The following MUC4 variants were observed in gnomAD, a reference collection of about 807,000 sequenced individuals.
MUC4 encodes mucin-4.
MUC4 carries 202 observed loss-of-function variants against 257.9 expected under a neutral mutation model. The ratio of observed to expected loss-of-function variants is 0.78; its 90% CI spans 0.70 to 0.88. The LOEUF (loss-of-function observed/expected upper bound fraction) is 0.88, where lower values mean the gene tolerates loss of function less well. Ranked by LOEUF, MUC4 falls within the 40% of genes least tolerant of loss-of-function variation. The pLI, the probability that MUC4 is intolerant of heterozygous loss-of-function variation, is 0.00. For synonymous variants in MUC4, 2,351 were observed against 2,757.1 expected (o/e 0.85, Z 4.62); for missense variants, 5,976 against 6,513.7 (o/e 0.92, Z 2.84).
intron 4 of MUC4, among the ~76,000 whole-genome samples, chr3:195,773,119 G>C (rs1326941895): frequency 4.8e-5 from 7 of 145,016 alleles, no homozygotes; most frequent in African/African-American, 1.6e-4. Context: ...TCGCTCAGGG[G>C]TGTAGACACC....
intron 11 of MUC4, among the ~76,000 whole-genome samples, 165 bp downstream of exon 11, chr3:195,763,880 A>G (rs1199706573): frequency 6.6e-6 from 1 of 152,058 alleles, no homozygotes; most frequent in African/African-American, 2.4e-5. Context: ...TCCCCAACTC[A>G]GGTACAAAGC....
chr3:195,785,864 G>C lies in MUC4; in HGVS notation c.5716C>G (p.His1906Asp). The change falls in exon 2 of 25, where the codon CAT becomes GAT. Residue 1906 changes from histidine (H) to aspartate (D), a missense_variant. This residue lies in a region of MUC4 where 87 missense variants were observed against 104.6 expected (regional missense o/e 0.83). Coordinates refer to ENST00000463781, the MANE Select transcript of MUC4 (RefSeq NM_018406.7). Reference protein sequence around the residue: ...SASTGDTTPLHVTDASSVSTG... With the variant: ...SASTGDTTPLDVTDASSVSTG... ...GATACTGAGGAAGCGTCGGTGACAT[G>C]AAGAGGGGTGGTGTCACCTGTGGAT... The C allele has an allele frequency of 6.7e-7, 1 of 1,496,488 alleles. No individual in the cohort carries two copies. The highest frequency in any genetic ancestry group is 1.2e-5 in the South Asian group (1 of 80,296). 92.7% of individuals were successfully genotyped at this position (1,496,488 alleles called of 1,614,324 possible). A position where few individuals can be genotyped will look rare whatever the true frequency, so the allele number is the denominator to read the frequency against.
In MUC4 at chr3:195,764,309, C is replaced by T. The variant is rs2880893; in HGVS notation, c.13925-145G>A. On this transcript the variant is annotated intron_variant, in intron 10 of 24. Transcript: ENST00000463781. ...AGGGCGGTGTTGGTGGAGAGCTTGG[C>T]AGGGCAGGGCGGTGTTGGTGGAGAG... is the stretch of plus-strand genomic sequence containing the variant. 2.5e-4 allele frequency: 111 copies of T among 451,256 alleles called. 15 individuals are homozygous for T. The highest frequency in any genetic ancestry group is 2.8e-4 in the Non-Finnish European group (101 of 360,600). The allele number at this position is 451,256 out of a possible 1,614,324, so 28.0% of individuals were successfully genotyped here.
intron 1 of MUC4, among the ~76,000 whole-genome samples, chr3:195,795,846 AG>A (rs1364344422): frequency 3.9e-4 from 4 of 10,190 alleles, no homozygotes; most frequent in Non-Finnish European, 1.2e-3. Context: ...AAAGTGGGGG[AG>A]GGGGGTGGGA....
In MUC4 at chr3:195,781,439, C is replaced by G. The variant is rs879684952; in HGVS notation, c.10141G>C (p.Asp3381His). 6.6e-7 allele frequency: 1 copy of G among 1,523,966 alleles called. No individual in the cohort carries two copies. Among genetic ancestry groups the G allele is most frequent in the East Asian group, 2.4e-5 (1 of 41,584 alleles). 94.4% of individuals were successfully genotyped at this position (1,523,966 alleles called of 1,614,324 possible). ...TGDTTRLPVT[D>H]ISSASTGQAT... is the part of the protein sequence containing the mutation. Reference sequence around the variant, plus strand: ...TGACCTGTGGATGCCGAGGAAATGTCGGTGACAGGAAGACGGGTGGTGTCA... The same window carrying G: ...TGACCTGTGGATGCCGAGGAAATGTGGGTGACAGGAAGACGGGTGGTGTCA... Residue 3381 changes from aspartate (D) to histidine (H), a missense_variant, in exon 2 of 25, where the codon GAC becomes CAC. Asp to His is a moderately conservative substitution (Grantham distance 81, BLOSUM62 -1). This residue lies in a region of MUC4 where 297 missense variants were observed against 240.9 expected (regional missense o/e 1.23). Transcript: ENST00000463781.
At chr3:195,752,581 C>G in intron 20 of MUC4, 135 bp from the exon 21 acceptor site, 1 of 705,266 alleles carries the variant, frequency 1.4e-6, no homozygotes, top group Non-Finnish European at 2.5e-6. Context: ...GAGAAGTGGC[C>G]CTCACCCTAC....
At position 195,765,254 on chromosome 3, in the gene MUC4, G is replaced by T. The variant is rs765417813; in HGVS notation, c.13798+16C>A. On this transcript the variant is annotated intron_variant, in intron 9 of 24. Coordinates refer to ENST00000463781, the MANE Select transcript of MUC4 (RefSeq NM_018406.7). ...GGTGGTGGGTGGGCTTGTGGGGGGC[G>T]GGAAGGAGGTGTCACCTATGCTGAC... 6.2e-7 allele frequency: 1 copy of T among 1,600,064 alleles called. No homozygotes were observed.
intron 3 of MUC4, among the ~76,000 whole-genome samples, chr3:195,776,439 CCG>C (rs1724747322): frequency 2.6e-5 from 1 of 37,826 alleles, no homozygotes; most frequent in Non-Finnish European, 4.8e-5. Flanking sequence ...CCCATACCTT[CCG>C]CACCCATACC....
At position 195,810,745 on chromosome 3, in the gene MUC4, C is replaced by T. The variant is rs188499723; in HGVS notation, c.82+991G>A. Among the ~76,000 whole-genome samples the T allele has an allele frequency of 2.0e-5, 3 of 152,274 alleles. No homozygotes were observed. Among genetic ancestry groups the T allele is most frequent in the South Asian group, 2.1e-4 (1 of 4,828 alleles). The stretch of plus-strand genomic sequence containing the variant: ...GCTTCCCTTGCTTGCTGCTGTCTCC[C>T]GATCTTCTCCTCTCTCCATTCCCAG... On this transcript the variant is annotated intron_variant, in intron 1 of 24. Transcript: ENST00000463781. This position sits in a 1 kb window ranked among gnomAD's most constrained non-coding sequence, Gnocchi z 4.2.
chr3:195,798,674 T>A (rs558454863), intron 1 of MUC4, among the ~76,000 whole-genome samples: 117 of 152,096 alleles, frequency 7.7e-4, no homozygotes, highest in East Asian at 1.5e-3. Context: ...ACTGCACTCC[T>A]GCCTGGGTGA....
intron 8 of MUC4, 145 bp from the exon 9 acceptor site, chr3:195,765,594 T>G: frequency 1.3e-6 from 1 of 787,024 alleles, no homozygotes; most frequent in Non-Finnish European, 2.0e-6. Flanking sequence ...GGGCAACAAT[T>G]CCTCCCCCAA....
Position 195,789,652 on chromosome 3 carries a change from G to A in MUC4, c.1928C>T (p.Pro643Leu), listed in dbSNP as rs540356612. 1.6e-5 allele frequency: 26 copies of A among 1,613,956 alleles called. No homozygotes were observed. Among genetic ancestry groups the A allele is most frequent in the Middle Eastern group, 1.6e-4 (1 of 6,062 alleles). Residue 643 changes from proline to leucine, a missense_variant, in exon 2 of 25, where the codon CCG (proline) becomes CTG (leucine). Pro to Leu is a moderately conservative substitution (Grantham distance 98). This residue lies in a region of MUC4 where 1,583 missense variants were observed against 1,257.4 expected (regional missense o/e 1.26). Transcript: ENST00000463781. ...AVSQRGHTQA[P>L]QTTQESQTTR... ...GGTTTGTGATTCTTGTGTGGTCTGC[G>A]GGGCTTGAGTGTGACCCCTTTGGGA...
chr3:195,790,960 C>G lies in MUC4; in HGVS notation c.620G>C (p.Arg207Thr). The G allele has an allele frequency of 6.2e-7, 1 of 1,613,900 alleles. No individual in the cohort carries two copies. Among genetic ancestry groups the G allele is most frequent in the Non-Finnish European group, 8.5e-7 (1 of 1,179,888 alleles). ...NHWTRSTQTT[R>T]ESQTSTLTHR... Reference sequence around the variant, plus strand: ...TGTTAGGGTGCTGGTTTGAGATTCCCTGGTGGTCTGCGTGCTCCGAGTCCA... The same window carrying G: ...TGTTAGGGTGCTGGTTTGAGATTCCGTGGTGGTCTGCGTGCTCCGAGTCCA... The change falls in exon 2 of 25, where the codon AGG (arginine) becomes ACG (threonine). Residue 207 changes from arginine to threonine, a missense_variant. This residue lies in a region of MUC4 where 1,583 missense variants were observed against 1,257.4 expected (regional missense o/e 1.26). Coordinates refer to ENST00000463781, the MANE Select transcript of MUC4 (RefSeq NM_018406.7).
rs375489960 is a variant in MUC4 at position 195,783,972 on chromosome 3, T to C, written c.7608A>G (p.Ser2536=). Residue 2536 remains serine (S), a synonymous_variant, in exon 2 of 25, where the codon TCA becomes TCG. Coordinates refer to ENST00000463781, the MANE Select transcript of MUC4 (RefSeq NM_018406.7). ...TTPLPVTNAS[S]LSTRHATSLH... is the part of the protein sequence containing the mutation. Reference sequence around the variant, plus strand: ...GAGAGGTGGCGTGACGTGTGGATAATGAGGAAGCATTGGTGACAGGAAGAG... The same window carrying C: ...GAGAGGTGGCGTGACGTGTGGATAACGAGGAAGCATTGGTGACAGGAAGAG... 62 of 1,523,880 alleles carry C rather than the reference T, an allele frequency of 4.1e-5. 14 individuals are homozygous for C. The African/African-American group carries it at 7.4e-4, about 18-fold the overall frequency. The allele number at this position is 1,523,880 out of a possible 1,614,324, so 94.4% of individuals were successfully genotyped here.
At position 195,783,037 on chromosome 3, in the gene MUC4, GGGGTGGTGTGA is replaced by G; in HGVS notation, c.8532_8542del (p.His2845SerfsTer61). 1 of 1,093,466 alleles carries G rather than the reference GGGGTGGTGTGA, an allele frequency of 9.1e-7. No individual in the cohort carries two copies. The highest frequency in any genetic ancestry group is 1.5e-5 in the South Asian group (1 of 65,962). The allele number at this position is 1,093,466 out of a possible 1,614,324, so 67.7% of individuals were successfully genotyped here. A position where few individuals can be genotyped will look rare whatever the true frequency, so the allele number is the denominator to read the frequency against. On this transcript the variant is annotated frameshift_variant, in exon 2 of 25. Coordinates refer to ENST00000463781, the MANE Select transcript of MUC4 (RefSeq NM_018406.7). LOFTEE classifies it high-confidence loss of function. Reference sequence around the variant, plus strand: ...TGAGGAAGCGTCGGTGACAGGAAGAGGGGTGGTGTGACCTGAGGATGCTGAGGAAGGGATGG... The same window carrying G: ...TGAGGAAGCGTCGGTGACAGGAAGAGCCTGAGGATGCTGAGGAAGGGATGG...
chr3:195,787,316 CGTGTCCTGTGG>C lies in MUC4; in HGVS notation c.4253_4263del (p.Ser1418CysfsTer64). 37 of 365,574 alleles carry C rather than the reference CGTGTCCTGTGG, an allele frequency of 1.0e-4. No individual in the cohort carries two copies. Among genetic ancestry groups the C allele is most frequent in the Non-Finnish European group, 1.4e-4 (32 of 235,424 alleles). The allele number at this position is 365,574 out of a possible 1,614,324, so 22.6% of individuals were successfully genotyped here. On this transcript the variant is annotated frameshift_variant, in exon 2 of 25. Coordinates refer to ENST00000463781, the MANE Select transcript of MUC4 (RefSeq NM_018406.7). LOFTEE classifies it high-confidence loss of function. ...GCGTCGGTGACAGGAAGAGGGGTGG[CGTGTCCTGTGG>C]ATGCTGAGGAAGTGTCGGTGACAAG...
Position 195,762,919 on chromosome 3 carries a change from G to A in MUC4, c.14280C>T (p.Asp4760=). The A allele has an allele frequency of 3.8e-6, 6 of 1,569,270 alleles. No individual in the cohort carries two copies. Among genetic ancestry groups the A allele is most frequent in the Non-Finnish European group, 5.2e-6 (6 of 1,158,822 alleles). Residue 4760 remains aspartate (D), a synonymous_variant, in exon 13 of 25, where the codon GAC becomes GAT. Coordinates refer to ENST00000463781, the MANE Select transcript of MUC4 (RefSeq NM_018406.7). Reference sequence around the variant, plus strand: ...GGTTATCCAGCAGGACACGGATTGCGTCGTGAGGCTCAAGGAGCCATTGGA... The same window carrying A: ...GGTTATCCAGCAGGACACGGATTGCATCGTGAGGCTCAAGGAGCCATTGGA... ...VTVQWLLEPH[D]AIRVLLDNQT... is the part of the protein sequence containing the mutation.
chr3:195,803,804 TG>T (rs894451665), intron 1 of MUC4, among the ~76,000 whole-genome samples: 1 of 152,186 alleles, frequency 6.6e-6, no homozygotes, highest in African/African-American at 2.4e-5. Flanking sequence ...GCTCTGGGAC[TG>T]CCACCGAGTG....
rs200193644 is a variant in MUC4 at position 195,788,543 on chromosome 3, T to C, written c.3037A>G (p.Ser1013Gly). 5.2e-4 allele frequency: 509 copies of C among 976,428 alleles called. 1 individual carries two copies. Among genetic ancestry groups the C allele is most frequent in the African/African-American group, 3.2e-3 (119 of 37,364 alleles). 60.5% of individuals were successfully genotyped at this position (976,428 alleles called of 1,614,324 possible). A position where few individuals can be genotyped will look rare whatever the true frequency, so the allele number is the denominator to read the frequency against. ...TGACCTGTGGATACTGAGGAAGGGC[T>C]GGTGACAGGAAGAGGGGTGGCGTGA... ...TGHATPLPVT[S>G]PSSVSTGHTT... The change falls in exon 2 of 25, where the codon AGC becomes GGC. Residue 1013 changes from serine to glycine, a missense_variant. Coordinates refer to ENST00000463781, the MANE Select transcript of MUC4 (RefSeq NM_018406.7).
Sources: allele counts gnomAD v4.1 joint callset (sites outside exome capture counted in the v4.1 genomes callset), GRCh38; gene constraint gnomAD v4.1.1; regional missense constraint gnomAD v4.1.1; non-coding constraint Gnocchi (gnomAD v3.1); transcripts MANE v1.5; gene names NCBI Gene and HGNC (gene_info 2026-07-23, HGNC 2026-07-21).